Variants in CHCHD3 observed in about 807,000 individuals in gnomAD.
CHCHD3 encodes the protein coiled-coil-helix-coiled-coil-helix domain containing 3.
Under a neutral mutation model 38.2 loss-of-function variants are expected in CHCHD3, and 20 were observed. The observed-to-expected ratio is 0.52, with a 90% CI of 0.37 to 0.76. The LOEUF is 0.76. CHCHD3 is among the 30% of genes least tolerant of loss of function. The pLI, the probability that CHCHD3 is intolerant of heterozygous loss-of-function variation, is 0.00. For synonymous variants in CHCHD3, 82 were observed against 100.0 expected, an observed-to-expected ratio of 0.82 and a Z score of 1.07; for missense variants, 245 against 279.2, an observed-to-expected ratio of 0.88 and a Z score of 0.87.
At chr7:132,933,391 CTA>C (rs1036979223) in intron 4 of CHCHD3, among the ~76,000 whole-genome samples, 2 of 152,202 alleles carry the variant, frequency 1.3e-5, no homozygotes, top group African/African-American at 2.4e-5. Context: ...ATTTCAATGA[CTA>C]TGTGCAAAAC....
chr7:132,861,310 C>G (rs1422926875), intron 5 of CHCHD3, among the ~76,000 whole-genome samples: 1 of 152,178 alleles, frequency 6.6e-6, no homozygotes, highest in Non-Finnish European at 1.5e-5. Flanking sequence ...TGTGTGCTTC[C>G]TAAGTGTTTC....
chr7:133,005,628 T>C (rs573151446), intron 3 of CHCHD3, among the ~76,000 whole-genome samples: 158 of 152,372 alleles, frequency 1.0e-3, no homozygotes, highest in African/African-American at 3.6e-3. Context: ...ATTTTCCTTT[T>C]TTTGTATGTA....
intron 3 of CHCHD3, among the ~76,000 whole-genome samples, chr7:133,008,982 A>C (rs531757104): frequency 3.4e-4 from 51 of 151,996 alleles, no homozygotes; most frequent in Admixed American, 9.8e-4. Flanking sequence ...AAAAAAAAAA[A>C]AACAACAACA....
chr7:132,828,795 A>C (rs1585551751), intron 6 of CHCHD3, among the ~76,000 whole-genome samples: 1 of 152,180 alleles, frequency 6.6e-6, no homozygotes, highest in African/African-American at 2.4e-5. Context: ...AGACATAATT[A>C]ATTTGATGTT....
chr7:132,898,508 C>A (rs1244283690), intron 4 of CHCHD3, among the ~76,000 whole-genome samples: 1 of 152,226 alleles, frequency 6.6e-6, no homozygotes, highest in Non-Finnish European at 1.5e-5. Context: ...AGGTTCTCCA[C>A]ATCCCCACCA....
intron 4 of CHCHD3, among the ~76,000 whole-genome samples, chr7:132,950,934 A>AATTGTGACAGATGCTAGGG (rs1811023054): frequency 6.6e-6 from 1 of 152,184 alleles, no homozygotes; most frequent in Non-Finnish European, 1.5e-5. Context: ...AATGACTCTG[A>AATTGTGACAGATGCTAGGG]ATTGTGACAG....
At chr7:133,034,710 G>A (rs765448721) in intron 2 of CHCHD3, 2 of 1,613,238 alleles carry the variant, frequency 1.2e-6, no homozygotes, top group South Asian at 2.2e-5. Flanking sequence ...CTCTCTGCCA[G>A]GATCCAGTTT....
intron 6 of CHCHD3, among the ~76,000 whole-genome samples, chr7:132,819,795 T>C (rs1305614810): frequency 1.3e-5 from 2 of 152,172 alleles, no homozygotes. Context: ...AGGCTGAGTT[T>C]ATCGGGAGGA....
In CHCHD3 at chr7:132,955,682, G is replaced by C. The variant is rs1186496658; in HGVS notation, c.369+19487C>G. On this transcript the variant is annotated intron_variant, in intron 4 of 7. Coordinates refer to ENST00000262570, the MANE Select transcript of CHCHD3 (RefSeq NM_017812.4). ...CGGCAGAGCAGACTTTATTCAAGAG[G>C]GCCCATGGCAATAGGTGGAGGAACT... is the stretch of plus-strand genomic sequence containing the variant. Among the ~76,000 whole-genome samples, 4 of 152,078 alleles carry C rather than the reference G, an allele frequency of 2.6e-5. No individual in the cohort carries two copies. The East Asian group carries it at 7.7e-4, about 29-fold the overall frequency.
At chr7:132,790,443 G>A (rs1373967354) in intron 7 of CHCHD3, among the ~76,000 whole-genome samples, 1 of 152,176 alleles carries the variant, frequency 6.6e-6, no homozygotes, top group African/African-American at 2.4e-5. Context: ...TCAGAAAGTG[G>A]TTTAGAAAAG....
At chr7:132,959,317 T>C (rs1016593696) in intron 4 of CHCHD3, among the ~76,000 whole-genome samples, 4 of 152,248 alleles carry the variant, frequency 2.6e-5, no homozygotes, top group Non-Finnish European at 4.4e-5. Context: ...TGTAAGAGCA[T>C]ACCCTTAATA....
intron 6 of CHCHD3, among the ~76,000 whole-genome samples, chr7:132,831,651 A>G (rs1044470776): frequency 2.6e-5 from 4 of 152,216 alleles, no homozygotes; most frequent in African/African-American, 9.6e-5. Context: ...TAAAAGTTTA[A>G]GAAGAAAGAT....
At chr7:132,886,915 T>G in intron 4 of CHCHD3, 1 of 1,103,050 alleles carries the variant, frequency 9.1e-7, no homozygotes, top group South Asian at 4.0e-5. Flanking sequence ...TCTACTCAAC[T>G]ATCTGCTTAG....
intron 2 of CHCHD3, chr7:133,034,935 G>C (rs762467447): frequency 3.1e-6 from 5 of 1,604,346 alleles, no homozygotes; most frequent in Non-Finnish European, 4.3e-6. Context: ...GAGTTCTTCA[G>C]GGAAGCGATA....
At chr7:132,995,744 C>T (rs1457098437) in intron 3 of CHCHD3, among the ~76,000 whole-genome samples, 1 of 152,126 alleles carries the variant, frequency 6.6e-6, no homozygotes, top group Non-Finnish European at 1.5e-5. Context: ...GGCATCAGGC[C>T]TATGTGCTCC....
At chr7:132,925,073 G>A (rs1205738713) in intron 4 of CHCHD3, among the ~76,000 whole-genome samples, 1 of 152,094 alleles carries the variant, frequency 6.6e-6, no homozygotes, top group Non-Finnish European at 1.5e-5. Flanking sequence ...TTTGAATTCT[G>A]TCTGTTTGGA....
intron 6 of CHCHD3, among the ~76,000 whole-genome samples, chr7:132,808,418 G>T (rs1806985718): frequency 6.6e-6 from 1 of 152,088 alleles, no homozygotes; most frequent in African/African-American, 2.4e-5. Flanking sequence ...TTCTTTAGAG[G>T]TACTCCTACG....
At chr7:132,909,231 T>G (rs1293467899) in intron 4 of CHCHD3, among the ~76,000 whole-genome samples, 1 of 152,092 alleles carries the variant, frequency 6.6e-6, no homozygotes, top group Non-Finnish European at 1.5e-5. Flanking sequence ...GGTGTGGTGG[T>G]TCACGCTGTC....
intron 6 of CHCHD3, among the ~76,000 whole-genome samples, chr7:132,835,149 A>AT (rs60504335): frequency 0.15 from 21,016 of 138,756 alleles, 1,586 homozygotes; most frequent in Middle Eastern, 0.18. Flanking sequence ...TAATTTTTGT[A>AT]TTTTTTTTTT....
Sources: allele counts gnomAD v4.1 joint callset (sites outside exome capture counted in the v4.1 genomes callset), GRCh38; gene constraint gnomAD v4.1.1; transcripts MANE v1.5; gene names NCBI Gene and HGNC (gene_info 2026-07-23, HGNC 2026-07-21).